Variants in XYLB observed in about 807,000 individuals in gnomAD.
XYLB encodes xylulokinase.
In XYLB, 62 loss-of-function variants were observed where a neutral mutation model predicts 78.7. That is an observed-to-expected ratio of 0.79 (90% CI 0.64 to 0.97). The LOEUF (loss-of-function observed/expected upper bound fraction) is 0.97. XYLB is among the 50% of genes least tolerant of loss of function. The pLI is 0.00. For synonymous variants in XYLB, 245 were observed against 247.4 expected, an observed-to-expected ratio of 0.99 and a Z score of 0.09; for missense variants, 687 against 676.8, an observed-to-expected ratio of 1.02 and a Z score of -0.17.
At chr3:38,411,984 C>CTTTTTT (rs5848424) in intron 18 of XYLB, among the ~76,000 whole-genome samples, 3 of 138,196 alleles carry the variant, frequency 2.2e-5, no homozygotes, top group African/African-American at 2.6e-5. Context: ...GATCTCAACT[C>CTTTTTT]TTTTTTTTTT....
At chr3:38,439,714 A>G in the XYLB span, among the ~76,000 whole-genome samples, 1 of 151,848 alleles carries the variant, frequency 6.6e-6, no homozygotes, top group Non-Finnish European at 1.5e-5. Context: ...GTGAGCCGAG[A>G]TAGCGCCACT....
At chr3:38,359,469 C>T (rs1705853283) in intron 2 of XYLB, among the ~76,000 whole-genome samples, 1 of 152,210 alleles carries the variant, frequency 6.6e-6, no homozygotes, top group Admixed American at 6.5e-5. Flanking sequence ...TTCCCAGCAC[C>T]CACTAGACTT....
chr3:38,378,349 C>T (rs934986036), intron 14 of XYLB, among the ~76,000 whole-genome samples: 1 of 152,230 alleles, frequency 6.6e-6, no homozygotes, highest in Non-Finnish European at 1.5e-5. Context: ...CAAAGGAGAA[C>T]AAAACATTGG....
At chr3:38,407,629 C>A (rs1376742290) in intron 18 of XYLB, among the ~76,000 whole-genome samples, 3 of 152,114 alleles carry the variant, frequency 2.0e-5, no homozygotes, top group Non-Finnish European at 4.4e-5. Context: ...GTGCTGTATT[C>A]AGGAAACCCA....
rs550149073 is a variant in XYLB at position 38,408,575 on chromosome 3, CA to C, written c.1534-4355del. On this transcript the variant is annotated intron_variant, in intron 18 of 18. Coordinates refer to ENST00000207870, the MANE Select transcript of XYLB (RefSeq NM_005108.4). ...GAAATACAGACACAAAAAAACCCTT[CA>C]AAAAATTAATGAATTCAGGAGCTGG... Among the ~76,000 whole-genome samples, 1,056 of 151,844 alleles carry C rather than the reference CA, an allele frequency of 7.0e-3. 8 individuals are homozygous for C. Among genetic ancestry groups the C allele is most frequent in the African/African-American group, 0.025 (1,015 of 41,402 alleles).
chr3:38,352,682 A>C (rs1475124823), intron 2 of XYLB, among the ~76,000 whole-genome samples: 2 of 151,964 alleles, frequency 1.3e-5, no homozygotes, highest in Non-Finnish European at 1.5e-5. Context: ...GGTGGCGTGC[A>C]CCTCTAGTCC....
chr3:38,396,991 A>G (rs779992042), intron 16 of XYLB, 81 bp from the exon 17 acceptor site: 136 of 1,387,458 alleles, frequency 9.8e-5, no homozygotes, highest in Non-Finnish European at 1.4e-4. Flanking sequence ...TGAGGGAGAG[A>G]GCCTGGAAAG....
downstream of XYLB, among the ~76,000 whole-genome samples, chr3:38,416,836 C>T (rs1708811565): frequency 6.6e-6 from 1 of 152,184 alleles, no homozygotes; most frequent in Non-Finnish European, 1.5e-5. Context: ...TATTCTTTGG[C>T]TCCTGCCTAT....
At chr3:38,425,378 A>G (rs560025502), downstream of XYLB, among the ~76,000 whole-genome samples, 1 of 152,348 alleles carries the variant, frequency 6.6e-6, no homozygotes, top group East Asian at 1.9e-4. Context: ...ATTCACAAGG[A>G]CAAGCCATTG....
intron 15 of XYLB, among the ~76,000 whole-genome samples, chr3:38,381,513 G>T (rs1054642487): frequency 6.6e-6 from 1 of 152,198 alleles, no homozygotes; most frequent in Non-Finnish European, 1.5e-5. Flanking sequence ...CTGGTGAGCT[G>T]GGCAGAACAG....
intron 18 of XYLB, among the ~76,000 whole-genome samples, chr3:38,402,840 A>G (rs1382826790): frequency 6.6e-6 from 1 of 152,246 alleles, no homozygotes; most frequent in African/African-American, 2.4e-5. Flanking sequence ...GCAGTGGACA[A>G]TGGGAACATA....
At chr3:38,391,375 T>G (rs1707648501) in intron 15 of XYLB, among the ~76,000 whole-genome samples, 1 of 152,226 alleles carries the variant, frequency 6.6e-6, no homozygotes, top group Non-Finnish European at 1.5e-5. Context: ...TGGAATTCTT[T>G]ATGGTTTTGC....
At chr3:38,434,556 A>G in the XYLB span, among the ~76,000 whole-genome samples, 1 of 152,270 alleles carries the variant, frequency 6.6e-6, no homozygotes, top group Admixed American at 6.5e-5. Context: ...TGGTCCTACA[A>G]GAAATGCTCA....
chr3:38,373,770 A>G (rs531812618), intron 10 of XYLB, among the ~76,000 whole-genome samples: 2 of 152,270 alleles, frequency 1.3e-5, no homozygotes, highest in East Asian at 3.9e-4. Context: ...CTTTATTCAC[A>G]TGTTGATTCA....
chr3:38,452,031 T>C, the XYLB span: 1 of 152,196 alleles, frequency 6.6e-6, no homozygotes, highest in Non-Finnish European at 1.5e-5. Flanking sequence ...CATATTGGAA[T>C]GGAGATAACG....
chr3:38,437,670 G>A, the XYLB span, among the ~76,000 whole-genome samples: 3 of 152,182 alleles, frequency 2.0e-5, no homozygotes, highest in Non-Finnish European at 4.4e-5. Context: ...CCAGCCAGGT[G>A]TAGTGGCTCA....
chr3:38,368,231 C>T lies in XYLB; in HGVS notation c.620C>T (p.Ser207Phe), dbSNP rs199723335. The T allele has an allele frequency of 1.2e-6, 2 of 1,614,024 alleles. No individual in the cohort carries two copies. The highest frequency in any genetic ancestry group is 1.7e-6 in the Non-Finnish European group (2 of 1,180,032). The change falls in exon 8 of 19, where the codon TCT becomes TTT. Residue 207 changes from serine to phenylalanine, a missense_variant. Coordinates refer to ENST00000207870, the MANE Select transcript of XYLB (RefSeq NM_005108.4). ...SSFAASLFLG[S>F]YSPIDYSDGS... ...TTTGCTGCTTCCCTGTTCCTTGGCT[C>T]TTACTCCCCTATTGACTACAGTGAT...
intron 3 of XYLB, among the ~76,000 whole-genome samples, chr3:38,360,990 G>T (rs1299591194): frequency 1.3e-5 from 2 of 152,126 alleles, no homozygotes; most frequent in East Asian, 3.9e-4. Context: ...AGCTGAGACT[G>T]CACCATTGCA....
intron 2 of XYLB, among the ~76,000 whole-genome samples, chr3:38,352,792 G>A (rs1048801307): frequency 6.6e-6 from 1 of 151,996 alleles, no homozygotes; most frequent in African/African-American, 2.4e-5. Flanking sequence ...TTGAGGGACA[G>A]AGCCATACCT....
Sources: gnomAD v4.1 joint callset for allele counts (sites outside exome capture counted in the v4.1 genomes callset) on GRCh38, gnomAD v4.1.1 for gene constraint, MANE v1.5 for transcripts, NCBI Gene and HGNC (gene_info 2026-07-23, HGNC 2026-07-21) for gene names.